Variants in SRRM4 observed in about 807,000 individuals in gnomAD.
The protein encoded by SRRM4 is serine/arginine repetitive matrix 4.
A neutral mutation model predicts 68.9 loss-of-function variants in SRRM4; 33 were observed. The observed-to-expected ratio is 0.48, with a 90% CI of 0.36 to 0.64. The LOEUF (loss-of-function observed/expected upper bound fraction) is 0.64. Among genes scored for constraint, SRRM4 ranks in the 30% least tolerant of loss-of-function variants. The probability of loss-of-function intolerance (pLI) is 0.00; values close to 1 mark genes in which losing one functional copy is unlikely to be tolerated. For missense variants in SRRM4, 817 were observed against 827.1 expected, an observed-to-expected ratio of 0.99 and a Z score of 0.15; for synonymous variants, 318 against 318.8, an observed-to-expected ratio of 1.00 and a Z score of 0.03.
chr12:119,115,536 T>C (rs80299979), intron 3 of SRRM4, among the ~76,000 whole-genome samples: 2 of 152,134 alleles, frequency 1.3e-5, no homozygotes, highest in Non-Finnish European at 2.9e-5. Context: ...CCAGGTTTTC[T>C]GGAACCTTGT....
At chr12:119,002,237 T>C (rs990516171) in intron 1 of SRRM4, among the ~76,000 whole-genome samples, 1 of 150,318 alleles carries the variant, frequency 6.7e-6, no homozygotes, top group Non-Finnish European at 1.5e-5. Flanking sequence ...AAAAAAAAAA[T>C]TTTTTTTCAA....
At chr12:119,153,851 A>C (rs77312752) in intron 11 of SRRM4, among the ~76,000 whole-genome samples, 4,222 of 152,068 alleles carry the variant, frequency 0.028, 191 homozygotes, top group African/African-American at 0.096. Context: ...CTCCAGCCCA[A>C]ACAGTCCCGC....
Position 119,156,944 on chromosome 12 carries a change from T to A in SRRM4, c.*146T>A. The A allele has an allele frequency of 9.7e-7, 1 of 1,029,842 alleles. No homozygotes were observed. The highest frequency in any genetic ancestry group is 1.4e-6 in the Non-Finnish European group (1 of 731,060). 63.8% of individuals were successfully genotyped at this position (1,029,842 alleles called of 1,614,324 possible). ...TGCCTAGGGGAAGAGGAGAAGAGGG[T>A]AAGGGGGCTTCACTCTCTAGATCAG... On this transcript the variant is annotated 3_prime_UTR_variant, in exon 13 of 13. Transcript: ENST00000267260.
At chr12:119,114,077 C>T (rs920467584) in intron 2 of SRRM4, 6 of 471,612 alleles carry the variant, frequency 1.3e-5, no homozygotes, top group Admixed American at 6.4e-5. Flanking sequence ...CGTACAACGT[C>T]TGTCTCATTA....
Position 119,145,819 on chromosome 12 carries a change from C to T in SRRM4, c.1076+134C>T, listed in dbSNP as rs1954398753. On this transcript the variant is annotated intron_variant, in intron 9 of 12. Coordinates refer to ENST00000267260, the MANE Select transcript of SRRM4 (RefSeq NM_194286.4). The stretch of plus-strand genomic sequence containing the variant: ...TAAGAGAGATGAAACTCAACTCAGA[C>T]TGGCTTGTTTTAAAACACTAGTGGC... The T allele has an allele frequency of 2.7e-5, 23 of 846,206 alleles. No homozygotes were observed. The South Asian group carries it at 7.8e-4, about 29-fold the overall frequency. 52.4% of individuals were successfully genotyped at this position (846,206 alleles called of 1,614,324 possible).
At chr12:118,989,942 C>T (rs1953306086) in intron 1 of SRRM4, 1 of 152,146 alleles carries the variant, frequency 6.6e-6, no homozygotes, top group Admixed American at 6.5e-5. Flanking sequence ...AAGAGAGGTG[C>T]CATTTGGGCC....
At chr12:119,125,200 C>T (rs1033608832) in intron 6 of SRRM4, among the ~76,000 whole-genome samples, 181 bp from the exon 7 acceptor site, 2 of 152,138 alleles carry the variant, frequency 1.3e-5, no homozygotes, top group African/African-American at 4.8e-5. Context: ...TTACGGAACC[C>T]TCCACCCAAT....
intron 7 of SRRM4, among the ~76,000 whole-genome samples, chr12:119,128,595 A>C (rs1304435162): frequency 6.6e-6 from 1 of 152,214 alleles, no homozygotes; most frequent in African/African-American, 2.4e-5. Context: ...ACATTGGCCA[A>C]ATGAGCTAAA....
chr12:119,114,420 G>A, intron 3 of SRRM4, 56 bp downstream of exon 3: 1 of 1,430,790 alleles, frequency 7.0e-7, no homozygotes, highest in Non-Finnish European at 9.6e-7. Flanking sequence ...GACAAAATAT[G>A]GGTTTCAAAG....
chr12:119,143,923 G>A (rs1278811116), intron 8 of SRRM4, among the ~76,000 whole-genome samples: 2 of 152,088 alleles, frequency 1.3e-5, no homozygotes, highest in African/African-American at 2.4e-5. Flanking sequence ...CAGGGCAGGG[G>A]TCCCTCCCAT....
Position 119,154,637 on chromosome 12 carries a change from G to A in SRRM4, c.1532+254G>A, listed in dbSNP as rs562622157. ...CCTGAAGAATCGGGTGTGGCATGGG[G>A]GAGTGGCCAAAGCCTGAGGGTGGAG... On this transcript the variant is annotated intron_variant, in intron 12 of 12. Transcript: ENST00000267260. The surrounding 1 kb of genome is among the most constrained non-coding windows in gnomAD (Gnocchi z 4.7). Among the ~76,000 whole-genome samples, 15 of 152,326 alleles carry A rather than the reference G, an allele frequency of 9.8e-5. No individual in the cohort carries two copies. Among genetic ancestry groups the A allele is most frequent in the Admixed American group, 9.1e-4 (14 of 15,308 alleles).
At chr12:119,106,934 T>G (rs1954111232) in intron 2 of SRRM4, among the ~76,000 whole-genome samples, 1 of 152,228 alleles carries the variant, frequency 6.6e-6, no homozygotes, top group Admixed American at 6.5e-5. Context: ...CAGTATGATA[T>G]TGGCTGTGGG....
chr12:118,986,372 G>T (rs1189513582), intron 1 of SRRM4, among the ~76,000 whole-genome samples: 2 of 152,166 alleles, frequency 1.3e-5, no homozygotes, highest in Non-Finnish European at 2.9e-5. Flanking sequence ...GAAATTTGTT[G>T]AATGGGATAC....
chr12:119,104,150 T>C (rs1457441828), intron 2 of SRRM4, among the ~76,000 whole-genome samples: 1 of 152,190 alleles, frequency 6.6e-6, no homozygotes, highest in Non-Finnish European at 1.5e-5. Flanking sequence ...AATGTTGAGA[T>C]GTAATTCTCA....
chr12:119,130,214 A>G (rs111069707), intron 7 of SRRM4, among the ~76,000 whole-genome samples: 83,934 of 150,364 alleles, frequency 0.56, 23,493 homozygotes, highest in South Asian at 0.63. Flanking sequence ...TTAGACAGAT[A>G]GATGGATGGA....
chr12:119,024,193 G>A (rs1953533369), intron 1 of SRRM4, among the ~76,000 whole-genome samples: 1 of 152,104 alleles, frequency 6.6e-6, no homozygotes, highest in South Asian at 2.1e-4. Context: ...AATTGTACCT[G>A]AAGCCCCAAG....
In SRRM4 at chr12:119,157,335, A is replaced by G. The variant is rs1382766763; in HGVS notation, c.*537A>G. 6.5e-6 allele frequency: 1 copy of G among 154,562 alleles called. No homozygotes were observed. Among genetic ancestry groups the G allele is most frequent in the Non-Finnish European group, 1.4e-5 (1 of 69,654 alleles). 9.6% of individuals were successfully genotyped at this position (154,562 alleles called of 1,614,324 possible). A position where few individuals can be genotyped will look rare whatever the true frequency, so the allele number is the denominator to read the frequency against. ...CCTTTAACTTCCTCAAACAGGCCCA[A>G]GCAAAGGCTGGAAGACATTTGGGTC... On this transcript the variant is annotated 3_prime_UTR_variant, in exon 13 of 13. Coordinates refer to ENST00000267260, the MANE Select transcript of SRRM4 (RefSeq NM_194286.4). This position sits in a 1 kb window ranked among gnomAD's most constrained non-coding sequence, Gnocchi z 4.1.
Position 119,059,512 on chromosome 12 carries a change from G to A in SRRM4, c.132-42724G>A, listed in dbSNP as rs554467421. ...ATGACCAGGAAAGAAGAGAGGAGCA[G>A]TGCATGTGTCCCCACTATGTGCCAA... On this transcript the variant is annotated intron_variant, in intron 1 of 12. Coordinates refer to ENST00000267260, the MANE Select transcript of SRRM4 (RefSeq NM_194286.4). 1.2e-3 allele frequency among the ~76,000 whole-genome samples: 176 copies of A among 152,290 alleles called. 1 individual carries two copies. Among genetic ancestry groups the A allele is most frequent in the African/African-American group, 4.0e-3 (168 of 41,578 alleles).
At chr12:119,120,164 TCTC>T (rs1954210070) in intron 4 of SRRM4, 83 bp from the exon 5 acceptor site, 1 of 817,858 alleles carries the variant, frequency 1.2e-6, no homozygotes. Flanking sequence ...TCTCTCCCTC[TCTC>T]CATCTCTCTC....
Sources: allele counts gnomAD v4.1 joint callset (sites outside exome capture counted in the v4.1 genomes callset), GRCh38; gene constraint gnomAD v4.1.1; non-coding constraint Gnocchi (gnomAD v3.1); transcripts MANE v1.5; gene names NCBI Gene and HGNC (gene_info 2026-07-23, HGNC 2026-07-21).